CAST: variants seen among roughly 807,000 people sequenced by gnomAD.
CAST encodes the protein MIR583 host.
CAST carries 76 observed loss-of-function variants against 119.6 expected under a neutral mutation model. That is an observed-to-expected ratio of 0.64 (90% confidence interval 0.53 to 0.77). The LOEUF (loss-of-function observed/expected upper bound fraction) is 0.77. Among genes scored for constraint, CAST ranks in the 30% least tolerant of loss-of-function variants. The pLI, the probability that CAST is intolerant of heterozygous loss-of-function variation, is 0.00. For missense variants in CAST, 953 were observed against 946.5 expected, an observed-to-expected ratio of 1.01 and a Z score of -0.09; for synonymous variants, 319 against 331.6, an observed-to-expected ratio of 0.96 and a Z score of 0.41.
chr5:96,272,362 G>T, the CAST span, among the ~76,000 whole-genome samples: 2 of 152,088 alleles, frequency 1.3e-5, no homozygotes, highest in African/African-American at 2.4e-5. Flanking sequence ...CAAATCAAGG[G>T]AAGTGCCCAC....
At chr5:96,384,712 C>A in the CAST span, among the ~76,000 whole-genome samples, 1 of 152,186 alleles carries the variant, frequency 6.6e-6, no homozygotes, top group Non-Finnish European at 1.5e-5. Flanking sequence ...AAATTATTGA[C>A]AGGATGTAGT....
At chr5:96,081,632 G>A in the CAST span, among the ~76,000 whole-genome samples, 1 of 152,080 alleles carries the variant, frequency 6.6e-6, no homozygotes, top group Non-Finnish European at 1.5e-5. Flanking sequence ...AGACCAGATG[G>A]AGGACAACTC....
the CAST span, among the ~76,000 whole-genome samples, chr5:96,462,857 G>A: frequency 6.6e-6 from 1 of 151,988 alleles, no homozygotes; most frequent in Non-Finnish European, 1.5e-5. Flanking sequence ...TAAGTGTTCG[G>A]CGGTTCCTCC....
the CAST span, among the ~76,000 whole-genome samples, chr5:96,204,409 T>C: frequency 1.3e-5 from 2 of 152,098 alleles, no homozygotes; most frequent in Non-Finnish European, 2.9e-5. Context: ...ACCATCTCTA[T>C]GACTCTTGGG....
At chr5:96,195,190 C>G in the CAST span, among the ~76,000 whole-genome samples, 4 of 152,154 alleles carry the variant, frequency 2.6e-5, no homozygotes, top group African/African-American at 7.2e-5. Context: ...GGTTAACAAA[C>G]TAGAGATGTG....
At chr5:96,177,120 G>A in the CAST span, among the ~76,000 whole-genome samples, 1 of 152,134 alleles carries the variant, frequency 6.6e-6, no homozygotes, top group Non-Finnish European at 1.5e-5. Context: ...TAATTTTAGA[G>A]ATGGTGAAAT....
intron 1 of CAST, among the ~76,000 whole-genome samples, chr5:96,653,000 C>T (rs1748113488): frequency 6.6e-6 from 1 of 152,230 alleles, no homozygotes; most frequent in African/African-American, 2.4e-5. Context: ...AGGATGTCTC[C>T]TAATCCTTGA....
chr5:96,399,926 G>A, the CAST span: 25 of 1,518,660 alleles, frequency 1.6e-5, no homozygotes, highest in African/African-American at 3.1e-4. Context: ...GGGCACACAT[G>A]TGTTTAAAAT....
chr5:96,472,365 T>A, the CAST span, among the ~76,000 whole-genome samples: 1 of 152,166 alleles, frequency 6.6e-6, no homozygotes, highest in Non-Finnish European at 1.5e-5. Flanking sequence ...TTCTTTCCAG[T>A]GTCAGCTCTT....
chr5:96,275,619 A>G, the CAST span, among the ~76,000 whole-genome samples: 1 of 152,194 alleles, frequency 6.6e-6, no homozygotes, highest in Admixed American at 6.5e-5. Flanking sequence ...CCTTTCTTGT[A>G]AATAGCACAT....
Position 96,748,542 on chromosome 5 carries a change from G to A in CAST, c.1357G>A (p.Asp453Asn), listed in dbSNP as rs747347746. 1.3e-6 allele frequency: 2 copies of A among 1,571,436 alleles called. No homozygotes were observed. The highest frequency in any genetic ancestry group is 4.5e-5 in the East Asian group (2 of 44,636). Residue 453 changes from aspartate to asparagine, a missense_variant, in exon 19 of 32, where the codon GAT becomes AAT. Asp to Asn is a conservative substitution (Grantham distance 23). Coordinates refer to ENST00000675179, the MANE Select transcript of CAST (RefSeq NM_001750.7). ...GCCTCGGAGTGAATCAGAACTCATT[G>A]ATGAACTTTCAGAAGATTTTGACCG... ...PKPRSESELI[D>N]ELSEDFDRSE...
At chr5:96,392,139 A>T in the CAST span, 2 of 151,926 alleles carry the variant, frequency 1.3e-5, no homozygotes, top group African/African-American at 4.8e-5. Flanking sequence ...GCTGAAAAAA[A>T]TTGTGACTAG....
chr5:96,075,359 A>G, the CAST span, among the ~76,000 whole-genome samples: 2 of 152,176 alleles, frequency 1.3e-5, no homozygotes, highest in Non-Finnish European at 2.9e-5. Context: ...CATCATCTAC[A>G]TGTTTTCCTA....
At chr5:96,467,154 C>A in the CAST span, among the ~76,000 whole-genome samples, 1 of 151,836 alleles carries the variant, frequency 6.6e-6, no homozygotes, top group Non-Finnish European at 1.5e-5. Context: ...ATTGTCTTCC[C>A]TGTCTTTTCC....
chr5:96,100,437 T>C, the CAST span, among the ~76,000 whole-genome samples: 1 of 152,188 alleles, frequency 6.6e-6, no homozygotes, highest in Non-Finnish European at 1.5e-5. Flanking sequence ...GCCCACTGAC[T>C]TACTGCCTGG....
the CAST span, among the ~76,000 whole-genome samples, chr5:96,178,857 C>T: frequency 6.6e-6 from 1 of 152,112 alleles, no homozygotes; most frequent in Non-Finnish European, 1.5e-5. Context: ...TTTTACAGGC[C>T]TATTTATACG....
chr5:96,012,498 T>G, the CAST span, among the ~76,000 whole-genome samples: 3 of 152,182 alleles, frequency 2.0e-5, no homozygotes, highest in Non-Finnish European at 4.4e-5. Flanking sequence ...TAACATATGG[T>G]CTGAAGTCTT....
intron 1 of CAST, among the ~76,000 whole-genome samples, chr5:96,591,107 G>A (rs887441672): frequency 1.1e-4 from 16 of 152,312 alleles, no homozygotes; most frequent in South Asian, 8.3e-4. Flanking sequence ...TAAAAGTACT[G>A]ATGGATACAT....
intron 1 of CAST, among the ~76,000 whole-genome samples, chr5:96,670,217 A>G (rs1244180910): frequency 6.6e-6 from 1 of 152,214 alleles, no homozygotes; most frequent in South Asian, 2.1e-4. Flanking sequence ...ACATTGAAGA[A>G]GGAAAATGTT....
Sources: gnomAD v4.1 joint callset for allele counts (sites outside exome capture counted in the v4.1 genomes callset) on GRCh38, gnomAD v4.1.1 for gene constraint, MANE v1.5 for transcripts, NCBI Gene and HGNC (gene_info 2026-07-23, HGNC 2026-07-21) for gene names.